LGALS2: variants seen among roughly 807,000 people sequenced by gnomAD.
LGALS2 encodes the protein galectin 2.
Under a neutral mutation model 10.1 loss-of-function variants are expected in LGALS2, and 7 were observed. The observed-to-expected ratio is 0.70, with a 90% CI of 0.40 to 1.31. The LOEUF is 1.31. Ranked by LOEUF, LGALS2 falls within the 50% of genes most tolerant of loss-of-function variation. LGALS2 has a pLI of 0.01. For synonymous variants in LGALS2, 86 were observed against 64.2 expected, an observed-to-expected ratio of 1.34 and a Z score of -1.63; for missense variants, 167 against 163.6, an observed-to-expected ratio of 1.02 and a Z score of -0.11.
At chr22:37,576,924 C>T (rs1925699628) in intron 1 of LGALS2, among the ~76,000 whole-genome samples, 1 of 151,200 alleles carries the variant, frequency 6.6e-6, no homozygotes, top group Admixed American at 6.6e-5. Flanking sequence ...TTGTCCCCAC[C>T]CAACAGAGTC....
At chr22:37,578,369 G>C (rs1569183277) in intron 1 of LGALS2, among the ~76,000 whole-genome samples, 1 of 152,048 alleles carries the variant, frequency 6.6e-6, no homozygotes, top group African/African-American at 2.4e-5. Context: ...CTGTAGCCTC[G>C]ACCTCCTGGG....
In LGALS2 at chr22:37,572,369, C is replaced by T. The variant is rs141592765; in HGVS notation, c.7-438G>A. 4.0e-3 allele frequency among the ~76,000 whole-genome samples: 615 copies of T among 152,326 alleles called. 4 individuals are homozygous for T. Among genetic ancestry groups the T allele is most frequent in the African/African-American group, 0.014 (595 of 41,578 alleles). On this transcript the variant is annotated intron_variant, in intron 1 of 3. Transcript: ENST00000215886. ...AAATCTGGCCAGGTGCAGGGGCTCA[C>T]GCCTGTAATCCCAGCATTTTGGGAG... is the stretch of plus-strand genomic sequence containing the variant.
Position 37,580,025 on chromosome 22 carries a change from A to G in LGALS2, c.-120T>C. 9.5e-7 allele frequency: 1 copy of G among 1,055,538 alleles called. No homozygotes were observed. 65.4% of individuals were successfully genotyped at this position (1,055,538 alleles called of 1,614,324 possible). On this transcript the variant is annotated 5_prime_UTR_variant, in exon 1 of 4. Transcript: ENST00000215886. ...ATTAACTCCCTCAAGGTCCTAGGTG[A>G]GGACTTTGCCCCTTCTACCTTGTGT...
intron 1 of LGALS2, among the ~76,000 whole-genome samples, 165 bp from the exon 2 acceptor site, chr22:37,572,096 G>A (rs568757138): frequency 2.9e-4 from 44 of 152,296 alleles, no homozygotes; most frequent in Non-Finnish European, 1.6e-4. Flanking sequence ...GAGCCAGAGC[G>A]CTCTGATCAA....
At position 37,570,706 on chromosome 22, in the gene LGALS2, T is replaced by A; in HGVS notation, c.119A>T (p.Asp40Val). Reference sequence around the variant, plus strand: ...AGGGTTGAAATGCAGGTTCAGCTTGTCTGTCCCCTGGCCCAGATTAATTAC... The same window carrying A: ...AGGGTTGAAATGCAGGTTCAGCTTGACTGTCCCCTGGCCCAGATTAATTAC... The part of the protein sequence containing the change: ...GFVINLGQGT[D>V]KLNLHFNPRF... Residue 40 changes from aspartate (D) to valine (V), a missense_variant, in exon 3 of 4, where the codon GAC (aspartate) becomes GTC (valine). Physicochemically the swap from Asp to Val is radical, Grantham distance 152. Transcript: ENST00000215886. 6.2e-7 allele frequency: 1 copy of A among 1,614,218 alleles called. No individual in the cohort carries two copies. The highest frequency in any genetic ancestry group is 1.7e-5 in the Admixed American group (1 of 60,026).
chr22:37,579,527 G>A (rs958895675), intron 1 of LGALS2, among the ~76,000 whole-genome samples: 1 of 152,022 alleles, frequency 6.6e-6, no homozygotes, highest in Non-Finnish European at 1.5e-5. Context: ...CTGCCTCCCA[G>A]GTCCAAGTGA....
intron 2 of LGALS2, among the ~76,000 whole-genome samples, chr22:37,571,527 C>T (rs1337819314): frequency 6.6e-6 from 1 of 152,144 alleles, no homozygotes; most frequent in Non-Finnish European, 1.5e-5. Flanking sequence ...GGTGGTGTCT[C>T]TGGGGATTTG....
intron 1 of LGALS2, among the ~76,000 whole-genome samples, chr22:37,575,264 C>T (rs1232995937): frequency 4.7e-5 from 7 of 147,698 alleles, no homozygotes; most frequent in Non-Finnish European, 1.0e-4. Context: ...TGCAGTAGCA[C>T]GATTATAACT....
Position 37,570,344 on chromosome 22 carries a change from G to A in LGALS2, c.318C>T (p.Pro106=), listed in dbSNP as rs746044147. 1.2e-6 allele frequency: 2 copies of A among 1,614,114 alleles called. No individual in the cohort carries two copies. The highest frequency in any genetic ancestry group is 8.5e-7 in the Non-Finnish European group (1 of 1,179,986). ...TCAGGTGGCTGTGACCCAGCCTGTT[G>A]GGAAAAGTCAGCTCGTGCCCATCTG... ...KLPDGHELTF[P]NRLGHSHLSY... is the part of the protein sequence containing the mutation. The change falls in exon 4 of 4, where the codon CCC becomes CCT. Residue 106 remains proline, a synonymous_variant. Transcript: ENST00000215886.
chr22:37,571,721 G>C (rs930637608), intron 2 of LGALS2, 128 bp downstream of exon 2: 4 of 712,968 alleles, frequency 5.6e-6, no homozygotes, highest in African/African-American at 1.8e-5. Flanking sequence ...TGGGGAGAAG[G>C]GTGTGAAAAA....
At chr22:37,574,242 G>A (rs1925595535) in intron 1 of LGALS2, among the ~76,000 whole-genome samples, 1 of 152,112 alleles carries the variant, frequency 6.6e-6, no homozygotes, top group Non-Finnish European at 1.5e-5. Context: ...AGGGCTGGGA[G>A]CGGTGGCTCA....
At chr22:37,574,860 C>T (rs1925620796) in intron 1 of LGALS2, among the ~76,000 whole-genome samples, 1 of 151,812 alleles carries the variant, frequency 6.6e-6, no homozygotes, top group Admixed American at 6.6e-5. Context: ...CTCAACTCTT[C>T]CACAGGCAGT....
chr22:37,577,102 G>T (rs182712853), intron 1 of LGALS2, among the ~76,000 whole-genome samples: 1 of 152,106 alleles, frequency 6.6e-6, no homozygotes, highest in African/African-American at 2.4e-5. Flanking sequence ...CTTATCTGTC[G>T]TATAAGGGAT....
At chr22:37,579,867 G>C in intron 1 of LGALS2, 33 bp downstream of exon 1, 2 of 1,604,330 alleles carry the variant, frequency 1.2e-6, no homozygotes, top group South Asian at 2.3e-5. Flanking sequence ...GATGAACAGA[G>C]TGGGGCAGGC....
At chr22:37,578,006 C>A (rs1165465674) in intron 1 of LGALS2, among the ~76,000 whole-genome samples, 1 of 152,236 alleles carries the variant, frequency 6.6e-6, no homozygotes, top group Non-Finnish European at 1.5e-5. Context: ...AAACGTCTAT[C>A]GTGTGAAGCC....
chr22:37,571,717 G>A lies in LGALS2; in HGVS notation c.89+132C>T, dbSNP rs531948875. The A allele has an allele frequency of 8.7e-5, 61 of 699,076 alleles. No homozygotes were observed. The East Asian group carries it at 1.6e-3, about 19-fold the overall frequency. The allele number at this position is 699,076 out of a possible 1,614,324, so 43.3% of individuals were successfully genotyped here. A position where few individuals can be genotyped will look rare whatever the true frequency, so the allele number is the denominator to read the frequency against. On this transcript the variant is annotated intron_variant, in intron 2 of 3. Coordinates refer to ENST00000215886, the MANE Select transcript of LGALS2 (RefSeq NM_006498.3). The stretch of plus-strand genomic sequence containing the variant: ...GTGGGGGCCAGCAGGGGTGTGGGGA[G>A]AAGGGTGTGAAAAAGGGCCCATTGG...
intron 1 of LGALS2, among the ~76,000 whole-genome samples, chr22:37,579,596 C>A (rs1448116135): frequency 6.6e-6 from 1 of 152,010 alleles, no homozygotes; most frequent in African/African-American, 2.4e-5. Context: ...CCAGGCCTAG[C>A]CAATTTTGTA....
chr22:37,570,415 G>A lies in LGALS2; in HGVS notation c.250-3C>T. 1 of 1,612,614 alleles carries A rather than the reference G, an allele frequency of 6.2e-7. No homozygotes were observed. The highest frequency in any genetic ancestry group is 1.3e-5 in the African/African-American group (1 of 75,022). On this transcript the variant is annotated splice_region_variant and splice_polypyrimidine_tract_variant and intron_variant, in intron 3 of 3. Transcript: ENST00000215886. ...TCACTCTCAAAGGTCACTGTGAACTGTGGGGAGGGAGGGTGTCAAGGAGGC... is the reference window on the plus strand; with the variant it reads ...TCACTCTCAAAGGTCACTGTGAACTATGGGGAGGGAGGGTGTCAAGGAGGC...
At chr22:37,575,777 C>T (rs561118461) in intron 1 of LGALS2, among the ~76,000 whole-genome samples, 2 of 152,254 alleles carry the variant, frequency 1.3e-5, no homozygotes, top group South Asian at 2.1e-4. Context: ...TTATAAGAGA[C>T]GCCTGGAGGA....
Sources: gnomAD v4.1 joint callset for allele counts (sites outside exome capture counted in the v4.1 genomes callset) on GRCh38, gnomAD v4.1.1 for gene constraint, MANE v1.5 for transcripts, NCBI Gene and HGNC (gene_info 2026-07-23, HGNC 2026-07-21) for gene names.